Variants in FCHSD2 observed in about 807,000 individuals in gnomAD.
FCHSD2 encodes the protein FCH and double SH3 domains 2.
Under a neutral mutation model 108.1 loss-of-function variants are expected in FCHSD2, and 38 were observed. The observed-to-expected ratio is 0.35, with a 90% CI of 0.27 to 0.46. FCHSD2 has a LOEUF of 0.46. FCHSD2 is among the 20% of genes least tolerant of loss of function. The probability of loss-of-function intolerance (pLI) is 1.00; values close to 1 mark genes in which losing one functional copy is unlikely to be tolerated. For synonymous variants in FCHSD2, 279 were observed against 314.7 expected, an observed-to-expected ratio of 0.89 and a Z score of 1.20; for missense variants, 751 against 897.8, an observed-to-expected ratio of 0.84 and a Z score of 2.09.
chr11:72,948,171 C>T (rs185668357), intron 8 of FCHSD2, among the ~76,000 whole-genome samples: 11 of 152,166 alleles, frequency 7.2e-5, no homozygotes, highest in African/African-American at 2.7e-4. Context: ...CCAGACCTGG[C>T]AAATTTTTGT....
Position 72,867,982 on chromosome 11 carries a change from C to T in FCHSD2, c.1191G>A (p.Gln397=). Residue 397 remains glutamine, a synonymous_variant, in exon 13 of 20, where the codon CAG becomes CAA. Coordinates refer to ENST00000409418, the MANE Select transcript of FCHSD2 (RefSeq NM_014824.3). ...KAEARLDLLK[Q]IGVSVDTWLK... ...GCCATGTGTCCACAGAAACACCAATCTGCTTTAGCAGGTCCAACCGGGCTT... is the reference window on the plus strand; with the variant it reads ...GCCATGTGTCCACAGAAACACCAATTTGCTTTAGCAGGTCCAACCGGGCTT... 1 of 1,581,648 alleles carries T rather than the reference C, an allele frequency of 6.3e-7. No homozygotes were observed. Among genetic ancestry groups the T allele is most frequent in the Non-Finnish European group, 8.6e-7 (1 of 1,162,978 alleles).
At position 73,127,547 on chromosome 11, in the gene FCHSD2, A is replaced by G. The variant is rs531875192; in HGVS notation, c.119+12484T>C. 5.6e-4 allele frequency among the ~76,000 whole-genome samples: 85 copies of G among 152,314 alleles called. No homozygotes were observed. The South Asian group carries it at 0.018, about 32-fold the overall frequency. The stretch of plus-strand genomic sequence containing the variant: ...CTTATGCATCAGATCACCCCTGAAG[A>G]CTGATACCAACAACATAGAATGGCA... On this transcript the variant is annotated intron_variant, in intron 2 of 19. Coordinates refer to ENST00000409418, the MANE Select transcript of FCHSD2 (RefSeq NM_014824.3).
chr11:72,934,156 A>C (rs1188517671), intron 8 of FCHSD2, among the ~76,000 whole-genome samples: 1 of 151,484 alleles, frequency 6.6e-6, no homozygotes, highest in Non-Finnish European at 1.5e-5. Flanking sequence ...AGCTTACAAC[A>C]AATCATAAAA....
intron 2 of FCHSD2, among the ~76,000 whole-genome samples, chr11:73,110,733 G>A (rs958249179): frequency 6.6e-6 from 1 of 151,698 alleles, no homozygotes; most frequent in African/African-American, 2.4e-5. Context: ...CTCTTGCTTT[G>A]TCAGCTGCAT....
At chr11:72,905,041 A>C (rs186376600) in intron 9 of FCHSD2, among the ~76,000 whole-genome samples, 1 of 152,296 alleles carries the variant, frequency 6.6e-6, no homozygotes, top group East Asian at 1.9e-4. Flanking sequence ...AAACAGCTGT[A>C]GTGGGCTGAA....
intron 8 of FCHSD2, among the ~76,000 whole-genome samples, chr11:72,951,138 C>T (rs1480390383): frequency 6.6e-6 from 1 of 152,214 alleles, no homozygotes; most frequent in Non-Finnish European, 1.5e-5. Flanking sequence ...CTACTCCAAA[C>T]CATTGCATTA....
At chr11:73,127,161 G>A (rs556906927) in intron 2 of FCHSD2, among the ~76,000 whole-genome samples, 5 of 152,180 alleles carry the variant, frequency 3.3e-5, no homozygotes, top group Non-Finnish European at 7.3e-5. Context: ...ACTTGTTTCT[G>A]TGGAACCACA....
chr11:73,051,202 T>C (rs1858890591), intron 3 of FCHSD2, among the ~76,000 whole-genome samples: 2 of 152,084 alleles, frequency 1.3e-5, no homozygotes, highest in Non-Finnish European at 2.9e-5. Flanking sequence ...GTGCTGCCAG[T>C]GGTGTTGCAT....
At chr11:73,103,209 CTG>C (rs1162616698) in intron 2 of FCHSD2, among the ~76,000 whole-genome samples, 1 of 142,750 alleles carries the variant, frequency 7.0e-6, no homozygotes, top group Non-Finnish European at 1.6e-5. Context: ...GTATCAAACT[CTG>C]TACACTTAAG....
At chr11:73,039,122 G>A (rs897015977) in intron 3 of FCHSD2, among the ~76,000 whole-genome samples, 36 of 152,066 alleles carry the variant, frequency 2.4e-4, no homozygotes, top group African/African-American at 7.5e-4. Flanking sequence ...TGGAATATCC[G>A]TGTATTCCAA....
intron 4 of FCHSD2, among the ~76,000 whole-genome samples, chr11:73,003,092 T>C (rs1199775798): frequency 1.3e-5 from 2 of 152,206 alleles, no homozygotes; most frequent in Admixed American, 1.3e-4. Flanking sequence ...AAGAGACCTT[T>C]AGAGTTTAGC....
intron 9 of FCHSD2, among the ~76,000 whole-genome samples, chr11:72,911,305 T>C (rs1204609107): frequency 6.6e-6 from 1 of 152,206 alleles, no homozygotes; most frequent in Non-Finnish European, 1.5e-5. Flanking sequence ...TGCAGATAGG[T>C]AGATTTGATT....
intron 5 of FCHSD2, among the ~76,000 whole-genome samples, chr11:72,994,279 T>C (rs944527800): frequency 1.3e-5 from 2 of 152,180 alleles, no homozygotes; most frequent in Admixed American, 1.3e-4. Flanking sequence ...GGAGTCTGAA[T>C]GCTTATTACT....
chr11:72,978,371 T>C (rs939578353), intron 8 of FCHSD2, among the ~76,000 whole-genome samples: 1 of 152,046 alleles, frequency 6.6e-6, no homozygotes, highest in Non-Finnish European at 1.5e-5. Context: ...AAAATCTGAA[T>C]AGACATTTCT....
intron 3 of FCHSD2, among the ~76,000 whole-genome samples, chr11:73,033,924 A>C (rs1433554154): frequency 6.6e-6 from 1 of 151,412 alleles, no homozygotes; most frequent in East Asian, 1.9e-4. Context: ...TATGACACAG[A>C]AACATTCAAT....
At chr11:72,942,774 A>G (rs1255975051) in intron 8 of FCHSD2, among the ~76,000 whole-genome samples, 1 of 152,140 alleles carries the variant, frequency 6.6e-6, no homozygotes, top group Non-Finnish European at 1.5e-5. Context: ...GAGGATGTGA[A>G]GTCATATCTC....
At chr11:72,890,157 TA>T (rs1855284560) in intron 10 of FCHSD2, among the ~76,000 whole-genome samples, 1 of 152,218 alleles carries the variant, frequency 6.6e-6, no homozygotes, top group African/African-American at 2.4e-5. Flanking sequence ...CTTTTTGTCT[TA>T]CACTGCTGAA....
intron 9 of FCHSD2, among the ~76,000 whole-genome samples, chr11:72,907,829 G>A (rs933320528): frequency 6.6e-5 from 10 of 151,978 alleles, no homozygotes; most frequent in African/African-American, 1.9e-4. Flanking sequence ...TCCTGACCTC[G>A]TCATCTGCCC....
intron 5 of FCHSD2, among the ~76,000 whole-genome samples, chr11:72,991,267 GA>G (rs1857408853): frequency 6.6e-6 from 1 of 152,108 alleles, no homozygotes; most frequent in Non-Finnish European, 1.5e-5. Context: ...ATTCACAGCC[GA>G]ATTCTACCAG....
Sources: gnomAD v4.1 joint callset for allele counts (sites outside exome capture counted in the v4.1 genomes callset) on GRCh38, gnomAD v4.1.1 for gene constraint, MANE v1.5 for transcripts, NCBI Gene and HGNC (gene_info 2026-07-23, HGNC 2026-07-21) for gene names.